UPRT: variants seen among roughly 807,000 people sequenced by gnomAD.
UPRT encodes the protein RP11-311P8.3.
A neutral mutation model predicts 22.6 loss-of-function variants in UPRT; 5 were observed. The observed-to-expected ratio is 0.22, with a 90% CI of 0.12 to 0.47. The LOEUF (loss-of-function observed/expected upper bound fraction) is 0.47. Among genes scored for constraint, UPRT ranks in the 20% least tolerant of loss-of-function variants. The probability of loss-of-function intolerance (pLI) is 0.99; values close to 1 mark genes in which losing one functional copy is unlikely to be tolerated. For missense variants in UPRT, 181 were observed against 239.9 expected, an observed-to-expected ratio of 0.75 and a Z score of 1.62; for synonymous variants, 77 against 87.7, an observed-to-expected ratio of 0.88 and a Z score of 0.68.
At chrX:75,272,372 A>ATATATATGTGTATATATATATG (rs2082614012), upstream of UPRT, among the ~76,000 whole-genome samples, 8 of 89,780 alleles carry the variant, frequency 8.9e-5, no homozygotes, top group South Asian at 4.2e-3. Context: ...ATATATATAT[A>ATATATATGTGTATATATATATG]TGTATATATA....
upstream of UPRT, among the ~76,000 whole-genome samples, chrX:75,273,152 A>G (rs2082617217): frequency 9.0e-6 from 1 of 111,195 alleles, no homozygotes. Flanking sequence ...ATAGTGGGGA[A>G]CAACACACAC....
chrX:75,220,894 A>G (rs2082408139), intron 4 of UPRT, among the ~76,000 whole-genome samples: 1 of 111,252 alleles, frequency 9.0e-6, no homozygotes, highest in Non-Finnish European at 1.9e-5. Flanking sequence ...TTTTCTCCAT[A>G]CTCACTATTA....
intron 4 of UPRT, among the ~76,000 whole-genome samples, chrX:75,227,088 T>C (rs749839459): frequency 4.5e-5 from 5 of 111,161 alleles, no homozygotes; most frequent in African/African-American, 1.6e-4. Context: ...TACTGCCTTT[T>C]CCACTCCATC....
At chrX:75,187,832 G>A (rs2082300007) in intron 4 of UPRT, among the ~76,000 whole-genome samples, 1 of 112,047 alleles carries the variant, frequency 8.9e-6, no homozygotes, top group African/African-American at 3.2e-5. Context: ...TGAGGCTTCT[G>A]CATTCTTCAC....
chrX:75,203,796 G>A (rs768625073), intron 4 of UPRT, among the ~76,000 whole-genome samples: 15 of 111,986 alleles, frequency 1.3e-4, no homozygotes, highest in African/African-American at 4.5e-4. Context: ...ATGATAAGAG[G>A]CAGGCTGTTT....
intron 4 of UPRT, among the ~76,000 whole-genome samples, chrX:75,239,808 T>C (rs1028790741): frequency 7.2e-5 from 8 of 111,464 alleles, no homozygotes; most frequent in Admixed American, 1.9e-4. Flanking sequence ...TGCAAGTCAA[T>C]AAATGAGATA....
chrX:75,294,050 A>G (rs1185598737), intron 2 of UPRT, among the ~76,000 whole-genome samples: 1 of 110,448 alleles, frequency 9.1e-6, no homozygotes, highest in East Asian at 2.9e-4. Context: ...CTGTTTAGCT[A>G]GTGTGATCTG....
At chrX:75,299,688 T>C (rs1347347662) in intron 4 of UPRT, 47 bp from the exon 5 acceptor site, 1 of 1,157,313 alleles carries the variant, frequency 8.6e-7, no homozygotes, top group East Asian at 3.1e-5. Context: ...TCTTGGACTT[T>C]CTCTCTCTTT....
Position 75,296,422 on chromosome X carries a change from C to T in UPRT, c.499+11C>T. On this transcript the variant is annotated intron_variant, in intron 3 of 6. Coordinates refer to ENST00000373383, the MANE Select transcript of UPRT (RefSeq NM_145052.4). ...TGACCACTCCAACAGGTAACTAGGG[C>T]TGTTATTCTCAAATTTTCCTCATAA... 1 of 1,196,765 alleles carries T rather than the reference C, an allele frequency of 8.4e-7. No homozygotes were observed.
At chrX:75,180,681 G>GTTTTTTTTTTT (rs59522302) in intron 4 of UPRT, among the ~76,000 whole-genome samples, 4 of 43,890 alleles carry the variant, frequency 9.1e-5, no homozygotes, top group East Asian at 8.7e-4. Flanking sequence ...CCTTTTCTCT[G>GTTTTTTTTTTT]TTTTTTTTTT....
intron 4 of UPRT, among the ~76,000 whole-genome samples, chrX:75,218,923 G>C (rs1406737681): frequency 1.8e-5 from 2 of 110,716 alleles, no homozygotes; most frequent in Non-Finnish European, 3.8e-5. Flanking sequence ...AGCTTTAGGA[G>C]ATATACCTAA....
intron 4 of UPRT, among the ~76,000 whole-genome samples, chrX:75,206,262 A>G (rs1429364006): frequency 1.8e-5 from 2 of 110,912 alleles, no homozygotes; most frequent in African/African-American, 3.3e-5. Flanking sequence ...TGTATCTACT[A>G]TTGTTAGAAG....
chrX:75,251,796 A>G (rs892102057), intron 4 of UPRT, among the ~76,000 whole-genome samples: 5 of 111,402 alleles, frequency 4.5e-5, no homozygotes, highest in East Asian at 5.7e-4. Context: ...GCATCACACT[A>G]CCTGACTTCA....
intron 4 of UPRT, among the ~76,000 whole-genome samples, chrX:75,236,104 G>A (rs758243922): frequency 1.8e-3 from 205 of 110,891 alleles, no homozygotes; most frequent in Admixed American, 3.4e-3. Flanking sequence ...GCAATGTCTC[G>A]GGATACAAAA....
intron 4 of UPRT, among the ~76,000 whole-genome samples, chrX:75,241,956 AC>A (rs776991888): frequency 9.2e-4 from 102 of 110,885 alleles, no homozygotes; most frequent in African/African-American, 3.1e-3. Flanking sequence ...TTAAGACTAC[AC>A]ACTGGGTACA....
At chrX:75,253,685 A>G (rs1036511963) in intron 4 of UPRT, among the ~76,000 whole-genome samples, 1 of 111,988 alleles carries the variant, frequency 8.9e-6, no homozygotes, top group African/African-American at 3.2e-5. Flanking sequence ...GGACCCACAG[A>G]CCCTCTGAAG....
chrX:75,249,399 T>C (rs945186290), intron 4 of UPRT, among the ~76,000 whole-genome samples: 2 of 111,148 alleles, frequency 1.8e-5, no homozygotes, highest in African/African-American at 6.5e-5. Flanking sequence ...AAAAAGTCAG[T>C]GGTTGCAATC....
intron 4 of UPRT, among the ~76,000 whole-genome samples, chrX:75,180,695 GTTTTTTTTTT>G (rs61040746): frequency 5.8e-5 from 2 of 34,658 alleles, no homozygotes; most frequent in African/African-American, 2.6e-4. Flanking sequence ...TTTTTTTTTT[GTTTTTTTTTT>G]TTTTTTTTTT....
At chrX:75,239,566 TAGAG>T (rs763804255) in intron 4 of UPRT, among the ~76,000 whole-genome samples, 6 of 110,925 alleles carry the variant, frequency 5.4e-5, no homozygotes, top group Non-Finnish European at 7.6e-5. Flanking sequence ...TTCCAAAGGA[TAGAG>T]AAAGAGGGAA....
Sources: allele counts gnomAD v4.1 joint callset (sites outside exome capture counted in the v4.1 genomes callset), GRCh38; gene constraint gnomAD v4.1.1; transcripts MANE v1.5; gene names NCBI Gene and HGNC (gene_info 2026-07-23, HGNC 2026-07-21).